ELMOD3: variants seen among roughly 807,000 people sequenced by gnomAD.
The protein encoded by ELMOD3 is ELMO domain containing 3, also known as ELMO domain-containing protein 3.
In ELMOD3, 36 loss-of-function variants were observed where a neutral mutation model predicts 47.4. The observed-to-expected ratio is 0.76, with a 90% CI of 0.58 to 1.00. The LOEUF (loss-of-function observed/expected upper bound fraction) is 1.00, where lower values mean the gene tolerates loss of function less well. ELMOD3 is among the 50% of genes least tolerant of loss of function. The probability of loss-of-function intolerance (pLI) is 0.00; values close to 1 mark genes in which losing one functional copy is unlikely to be tolerated. For synonymous variants in ELMOD3, 149 were observed against 183.5 expected, an observed-to-expected ratio of 0.81 and a Z score of 1.52; for missense variants, 404 against 463.8, an observed-to-expected ratio of 0.87 and a Z score of 1.18.
chr2:85,362,888 C>T (rs553690067), intron 5 of ELMOD3, among the ~76,000 whole-genome samples: 129 of 152,058 alleles, frequency 8.5e-4, no homozygotes, highest in Non-Finnish European at 1.3e-3. Flanking sequence ...ACTGCACTCC[C>T]GCCTGGGCAA....
intron 11 of ELMOD3, among the ~76,000 whole-genome samples, chr2:85,382,889 C>T (rs1267648010): frequency 6.7e-6 from 1 of 148,896 alleles, no homozygotes; most frequent in African/African-American, 2.5e-5. Flanking sequence ...AATTCAGTTA[C>T]TTATCTAGGG....
intron 8 of ELMOD3, among the ~76,000 whole-genome samples, chr2:85,370,516 C>T (rs1684718701): frequency 6.6e-6 from 1 of 151,994 alleles, no homozygotes; most frequent in Admixed American, 6.6e-5. Context: ...AAACCTTGCT[C>T]AGGGGAGAGA....
intron 13 of ELMOD3, 61 bp downstream of exon 13, chr2:85,390,326 C>T: frequency 1.2e-6 from 2 of 1,614,066 alleles, no homozygotes; most frequent in Non-Finnish European, 1.7e-6. Context: ...TCCAGAGAGC[C>T]CAAGGTGGTT....
intron 4 of ELMOD3, 52 bp from the exon 5 acceptor site, chr2:85,362,134 T>C: frequency 9.1e-7 from 1 of 1,096,274 alleles, no homozygotes; most frequent in Non-Finnish European, 1.4e-6. Flanking sequence ...TAAACTATTA[T>C]CTTTGGGGGA....
chr2:85,378,449 C>T (rs1277810646), intron 11 of ELMOD3, among the ~76,000 whole-genome samples: 2 of 152,158 alleles, frequency 1.3e-5, no homozygotes, highest in African/African-American at 2.4e-5. Context: ...AGACATGAGA[C>T]ATCAATTAAC....
intron 11 of ELMOD3, among the ~76,000 whole-genome samples, chr2:85,386,871 T>G (rs907475329): frequency 6.6e-6 from 1 of 152,058 alleles, no homozygotes; most frequent in Non-Finnish European, 1.5e-5. Context: ...GGCATGGTGG[T>G]GCATGCCTGT....
intron 11 of ELMOD3, among the ~76,000 whole-genome samples, chr2:85,382,532 T>TTTTTTTTTTG (rs1685637622): frequency 6.6e-6 from 1 of 151,342 alleles, no homozygotes; most frequent in Non-Finnish European, 1.5e-5. Flanking sequence ...TTTTTTTTTT[T>TTTTTTTTTTG]GAGACAGAGT....
At chr2:85,361,609 GAAC>G (rs1211835481) in intron 4 of ELMOD3, among the ~76,000 whole-genome samples, 1 of 152,090 alleles carries the variant, frequency 6.6e-6, no homozygotes, top group Non-Finnish European at 1.5e-5. Context: ...ACATAGAAGG[GAAC>G]AACACACACT....
At chr2:85,372,374 G>C (rs1033179957) in intron 10 of ELMOD3, 2 of 152,092 alleles carry the variant, frequency 1.3e-5, no homozygotes, top group African/African-American at 4.8e-5. Context: ...AGGTGGAGAT[G>C]AAAGTGACAG....
chr2:85,375,500 T>C (rs1685109404), intron 10 of ELMOD3, among the ~76,000 whole-genome samples: 1 of 152,230 alleles, frequency 6.6e-6, no homozygotes, highest in East Asian at 1.9e-4. Flanking sequence ...TTTTTAGTTC[T>C]AGTTCTTCTA....
intron 11 of ELMOD3, among the ~76,000 whole-genome samples, chr2:85,387,559 G>T (rs903370193): frequency 6.6e-6 from 1 of 151,664 alleles, no homozygotes; most frequent in Non-Finnish European, 1.5e-5. Context: ...CTATTTGGGA[G>T]GCTGAGGCAG....
chr2:85,367,738 C>T (rs1455136446), intron 6 of ELMOD3: 5 of 152,168 alleles, frequency 3.3e-5, no homozygotes, highest in Non-Finnish European at 5.9e-5. Context: ...ATTTAATACC[C>T]TGATAAATCC....
At chr2:85,365,349 CA>C (rs888203148) in intron 6 of ELMOD3, among the ~76,000 whole-genome samples, 7 of 145,736 alleles carry the variant, frequency 4.8e-5, no homozygotes, top group South Asian at 2.1e-4. Context: ...GACTTCTTCT[CA>C]AAAAAAAATA....
intron 11 of ELMOD3, among the ~76,000 whole-genome samples, chr2:85,380,346 CAAAAGGTCAAAA>C (rs1365578952): frequency 6.6e-6 from 1 of 152,120 alleles, no homozygotes; most frequent in Non-Finnish European, 1.5e-5. Context: ...ACGTTTTAAG[CAAAAGGTCAAAA>C]AAATTAGTTC....
intron 6 of ELMOD3, among the ~76,000 whole-genome samples, chr2:85,364,601 C>T (rs1238258827): frequency 1.3e-5 from 2 of 150,216 alleles, no homozygotes; most frequent in Non-Finnish European, 3.0e-5. Flanking sequence ...AAAAAAGAGA[C>T]AGGTTCTTGC....
At chr2:85,381,295 A>G (rs568636018) in intron 11 of ELMOD3, among the ~76,000 whole-genome samples, 38 of 152,238 alleles carry the variant, frequency 2.5e-4, no homozygotes, top group Non-Finnish European at 4.9e-4. Flanking sequence ...ATCACAGGTC[A>G]TTATAAGATA....
At chr2:85,358,955 T>C (rs1683751164) in intron 4 of ELMOD3, among the ~76,000 whole-genome samples, 1 of 152,182 alleles carries the variant, frequency 6.6e-6, no homozygotes, top group African/African-American at 2.4e-5. Context: ...GGTAAAATAG[T>C]GTATAGACTC....
At position 85,368,702 on chromosome 2, in the gene ELMOD3, G is replaced by GTGACCACT. The variant is rs770381810; in HGVS notation, c.216_217insTGACCACT (p.Val73Ter). ...CTATTGCAGTTGTGAGTACAGAGGT[G>GTGACCACT]GTCAGAGCCCAAGAAGAATGGGAAG... On this transcript the variant is annotated stop_gained and frameshift_variant, in exon 7 of 14. Transcript: ENST00000409013. LOFTEE classifies it high-confidence loss of function. 7 of 1,614,036 alleles carry GTGACCACT rather than the reference G, an allele frequency of 4.3e-6. No homozygotes were observed. The Admixed American group carries it at 6.7e-5, about 15-fold the overall frequency.
chr2:85,377,242 C>A, intron 10 of ELMOD3, 102 bp from the exon 11 acceptor site: 1 of 1,122,808 alleles, frequency 8.9e-7, no homozygotes. Context: ...TGCTCATGCT[C>A]CGCTAGCCTG....
Sources: allele counts gnomAD v4.1 joint callset (sites outside exome capture counted in the v4.1 genomes callset), GRCh38; gene constraint gnomAD v4.1.1; transcripts MANE v1.5; gene names NCBI Gene and HGNC (gene_info 2026-07-23, HGNC 2026-07-21).